The following SCCPDH variants were observed in gnomAD, a reference collection of about 807,000 sequenced individuals.
The protein encoded by SCCPDH is saccharopine dehydrogenase-like oxidoreductase.
SCCPDH carries 34 observed loss-of-function variants against 51.5 expected under a neutral mutation model. The observed-to-expected ratio is 0.66, with a 90% CI of 0.50 to 0.88. SCCPDH has a LOEUF of 0.88. Among genes scored for constraint, SCCPDH ranks in the 40% least tolerant of loss-of-function variants. SCCPDH has a pLI of 0.00. For missense variants in SCCPDH, 464 were observed against 527.1 expected, an observed-to-expected ratio of 0.88 and a Z score of 1.17; for synonymous variants, 187 against 191.3, an observed-to-expected ratio of 0.98 and a Z score of 0.19.
intron 9 of SCCPDH, among the ~76,000 whole-genome samples, chr1:246,762,477 T>C (rs1216347754): frequency 6.6e-6 from 1 of 152,220 alleles, no homozygotes; most frequent in East Asian, 1.9e-4. Context: ...AAATCTGACC[T>C]TGTCATTGCC....
intron 9 of SCCPDH, among the ~76,000 whole-genome samples, chr1:246,763,532 A>G (rs948715530): frequency 6.6e-6 from 1 of 152,180 alleles, no homozygotes; most frequent in Admixed American, 6.5e-5. Context: ...GTGTGTGTGT[A>G]TATATACAGT....
At chr1:246,724,674 C>A (rs895666614) in intron 1 of SCCPDH, 62 bp downstream of exon 1, 14 of 1,369,366 alleles carry the variant, frequency 1.0e-5, no homozygotes, top group Non-Finnish European at 1.9e-6. Context: ...CGCATCGCCC[C>A]AAACGAGCGT....
intron 4 of SCCPDH, among the ~76,000 whole-genome samples, chr1:246,742,358 T>C (rs748230247): frequency 2.0e-5 from 3 of 152,214 alleles, no homozygotes; most frequent in Non-Finnish European, 4.4e-5. Context: ...GGGAGAAATA[T>C]TAGTTTAAGG....
At chr1:246,737,594 C>G (rs1668614664) in intron 3 of SCCPDH, among the ~76,000 whole-genome samples, 1 of 151,750 alleles carries the variant, frequency 6.6e-6, no homozygotes, top group Non-Finnish European at 1.5e-5. Flanking sequence ...AGTATCGAAC[C>G]CCCCCCTTTT....
At chr1:246,726,243 CTT>C (rs1384791038) in intron 1 of SCCPDH, among the ~76,000 whole-genome samples, 2 of 152,138 alleles carry the variant, frequency 1.3e-5, no homozygotes, top group Admixed American at 6.6e-5. Flanking sequence ...TGATGAGAAA[CTT>C]TATTTTTTTA....
chr1:246,760,095 A>G lies in SCCPDH; in HGVS notation c.933+19A>G, dbSNP rs763877503. 6.2e-7 allele frequency: 1 copy of G among 1,601,260 alleles called. No homozygotes were observed. The highest frequency in any genetic ancestry group is 8.5e-7 in the Non-Finnish European group (1 of 1,174,928). On this transcript the variant is annotated intron_variant, in intron 8 of 11. Transcript: ENST00000366510. ...CATAAAAGTAAGTAAGATTTTATGA[A>G]ATTAGATTATTTTTATTAGAAGTAT...
intron 2 of SCCPDH, among the ~76,000 whole-genome samples, chr1:246,728,837 T>G (rs1237887343): frequency 6.6e-6 from 1 of 152,222 alleles, no homozygotes; most frequent in African/African-American, 2.4e-5. Context: ...AAACTGGTCC[T>G]CTTCCTATTG....
intron 7 of SCCPDH, 72 bp from the exon 8 acceptor site, chr1:246,759,885 A>G: frequency 6.7e-7 from 1 of 1,486,552 alleles, no homozygotes; most frequent in Non-Finnish European, 9.2e-7. Context: ...AGAAAGGTAC[A>G]AGTAACTAAC....
chr1:246,748,680 G>A (rs183900755), intron 5 of SCCPDH, among the ~76,000 whole-genome samples: 245 of 152,284 alleles, frequency 1.6e-3, no homozygotes, highest in Middle Eastern at 0.014. Context: ...TTGATCTCGA[G>A]ATTTAAATTC....
intron 5 of SCCPDH, among the ~76,000 whole-genome samples, chr1:246,745,628 G>T (rs972776588): frequency 2.6e-5 from 4 of 152,130 alleles, no homozygotes; most frequent in Non-Finnish European, 4.4e-5. Flanking sequence ...GTGTATCAAA[G>T]ACAAAGATGG....
chr1:246,758,502 A>G, intron 6 of SCCPDH, 146 bp downstream of exon 6: 2 of 546,388 alleles, frequency 3.7e-6, no homozygotes, highest in South Asian at 3.3e-5. Flanking sequence ...AATAAGATAT[A>G]ATTAATCCAT....
At chr1:246,726,855 C>T in intron 1 of SCCPDH, 37 bp from the exon 2 acceptor site, 1 of 1,405,070 alleles carries the variant, frequency 7.1e-7, no homozygotes, top group South Asian at 1.2e-5. Flanking sequence ...TAATCCTCTA[C>T]TGGGATTTAC....
At chr1:246,749,365 G>GT (rs1668817498) in intron 5 of SCCPDH, among the ~76,000 whole-genome samples, 1 of 152,208 alleles carries the variant, frequency 6.6e-6, no homozygotes, top group African/African-American at 2.4e-5. Context: ...AGCTACATAG[G>GT]TTTTATCATT....
At chr1:246,748,343 C>T (rs1668794197) in intron 5 of SCCPDH, among the ~76,000 whole-genome samples, 1 of 152,148 alleles carries the variant, frequency 6.6e-6, no homozygotes, top group Admixed American at 6.5e-5. Flanking sequence ...TTATCGGCTC[C>T]AGAATTTTAG....
chr1:246,757,511 T>A (rs993389867), intron 5 of SCCPDH, among the ~76,000 whole-genome samples: 1 of 151,746 alleles, frequency 6.6e-6, no homozygotes, highest in Non-Finnish European at 1.5e-5. Context: ...CAAAGTCTCA[T>A]GAAAGGATGA....
At chr1:246,766,855 G>C (rs890113887) in intron 11 of SCCPDH, among the ~76,000 whole-genome samples, 2 of 151,772 alleles carry the variant, frequency 1.3e-5, no homozygotes, top group African/African-American at 4.9e-5. Context: ...ATTCCATTCG[G>C]GTCTTTCTTT....
intron 5 of SCCPDH, among the ~76,000 whole-genome samples, chr1:246,753,913 T>G (rs1668892285): frequency 6.6e-6 from 1 of 151,718 alleles, no homozygotes; most frequent in Non-Finnish European, 1.5e-5. Flanking sequence ...GCAGCTGCTT[T>G]TTCTTGTTTT....
At chr1:246,733,434 A>T (rs1226004447) in intron 2 of SCCPDH, among the ~76,000 whole-genome samples, 1 of 146,244 alleles carries the variant, frequency 6.8e-6, no homozygotes, top group Non-Finnish European at 1.5e-5. Flanking sequence ...TATATGTATA[A>T]TATATATATA....
intron 5 of SCCPDH, among the ~76,000 whole-genome samples, chr1:246,757,614 AG>A (rs748332608): frequency 7.9e-5 from 12 of 152,208 alleles, no homozygotes; most frequent in Non-Finnish European, 1.6e-4. Flanking sequence ...CAAGGGATTG[AG>A]GAAAGCAATT....
Sources: allele counts gnomAD v4.1 joint callset (sites outside exome capture counted in the v4.1 genomes callset), GRCh38; gene constraint gnomAD v4.1.1; transcripts MANE v1.5; gene names NCBI Gene and HGNC (gene_info 2026-07-23, HGNC 2026-07-21).